Variants in SLC25A48 observed in about 807,000 individuals in gnomAD.
SLC25A48 encodes solute carrier family 25 member 48, also known as CTC-321K16.1.
In SLC25A48, 29 loss-of-function variants were observed where a neutral mutation model predicts 32.2. That is an observed-to-expected ratio of 0.90 (90% CI 0.67 to 1.23). The LOEUF is 1.23. Among genes scored for constraint, SLC25A48 ranks in the 50% most tolerant of loss-of-function variants. The pLI is 0.00. For missense variants in SLC25A48, 399 were observed against 422.7 expected, an observed-to-expected ratio of 0.94 and a Z score of 0.49; for synonymous variants, 164 against 172.3, an observed-to-expected ratio of 0.95 and a Z score of 0.38.
intron 3 of SLC25A48, among the ~76,000 whole-genome samples, chr5:135,789,344 G>T (rs1013620568): frequency 2.6e-5 from 4 of 151,764 alleles, no homozygotes; most frequent in African/African-American, 7.3e-5. Context: ...GTGGCGGGGG[G>T]TGTACAACTT....
intron 1 of SLC25A48, among the ~76,000 whole-genome samples, chr5:135,582,602 C>A (rs1472390329): frequency 1.3e-5 from 2 of 152,282 alleles, no homozygotes; most frequent in East Asian, 1.9e-4. Flanking sequence ...GCTCTGAACC[C>A]TTTACTGGCT....
chr5:135,781,131 A>T (rs1756707055), intron 3 of SLC25A48, among the ~76,000 whole-genome samples: 1 of 116,032 alleles, frequency 8.6e-6, no homozygotes, highest in Non-Finnish European at 2.1e-5. Flanking sequence ...CAGGGGGTGT[A>T]TATCCCCCTG....
At chr5:135,641,627 A>G (rs779016002) in intron 3 of SLC25A48, among the ~76,000 whole-genome samples, 3 of 152,196 alleles carry the variant, frequency 2.0e-5, no homozygotes, top group African/African-American at 4.8e-5. Flanking sequence ...GTAGGGCAGA[A>G]TTTGTCCCTT....
intron 3 of SLC25A48, among the ~76,000 whole-genome samples, chr5:135,748,902 A>G (rs1159937241): frequency 6.6e-6 from 1 of 151,808 alleles, no homozygotes; most frequent in Non-Finnish European, 1.5e-5. Flanking sequence ...TGTTTTTAGT[A>G]GAGACGGGGT....
intron 1 of SLC25A48, among the ~76,000 whole-genome samples, chr5:135,601,785 T>C (rs539895110): frequency 5.0e-4 from 76 of 152,364 alleles, no homozygotes; most frequent in African/African-American, 1.7e-3. Context: ...AACTGTATTC[T>C]TGAATTCCTG....
intron 3 of SLC25A48, among the ~76,000 whole-genome samples, chr5:135,688,051 C>T (rs76880690): frequency 0.025 from 226 of 9,106 alleles, 9 homozygotes; most frequent in East Asian, 0.15. Flanking sequence ...TCCCCAGCCC[C>T]AGCAACCGCC....
intron 3 of SLC25A48, chr5:135,742,558 G>A: frequency 7.2e-7 from 1 of 1,388,226 alleles, no homozygotes; most frequent in South Asian, 1.2e-5. Context: ...TGTGTTTTAT[G>A]GTTTTCATTT....
chr5:135,845,196 G>T (rs1053164365), intron 2 of SLC25A48, among the ~76,000 whole-genome samples: 2 of 152,210 alleles, frequency 1.3e-5, no homozygotes, highest in Admixed American at 1.3e-4. Flanking sequence ...TGCAGTGCTC[G>T]GCATTCCTTG....
intron 3 of SLC25A48, among the ~76,000 whole-genome samples, chr5:135,799,885 G>C (rs779688092): frequency 2.0e-5 from 3 of 151,644 alleles, no homozygotes; most frequent in Non-Finnish European, 4.4e-5. Context: ...GGGGAAAATA[G>C]GATGATATTA....
intron 3 of SLC25A48, among the ~76,000 whole-genome samples, chr5:135,749,678 G>A (rs1444708037): frequency 6.6e-6 from 1 of 151,988 alleles, no homozygotes; most frequent in African/African-American, 2.4e-5. Flanking sequence ...TGCAACCTCT[G>A]CCTCCCGGGT....
intron 3 of SLC25A48, among the ~76,000 whole-genome samples, chr5:135,695,189 C>T (rs1322490298): frequency 6.6e-6 from 1 of 152,188 alleles, no homozygotes; most frequent in African/African-American, 2.4e-5. Context: ...TCCAAGTCCC[C>T]TCTTCAGAGA....
intron 4 of SLC25A48, among the ~76,000 whole-genome samples, chr5:135,870,819 T>C (rs1485798140): frequency 6.6e-6 from 1 of 152,118 alleles, no homozygotes; most frequent in Non-Finnish European, 1.5e-5. Flanking sequence ...CATAAGGAAA[T>C]GGGCTGAAAA....
At chr5:135,783,409 C>A (rs1391808761) in intron 3 of SLC25A48, among the ~76,000 whole-genome samples, 2 of 117,602 alleles carry the variant, frequency 1.7e-5, no homozygotes, top group African/African-American at 5.2e-5. Context: ...TGTACACCAT[C>A]CCCCTGTGTG....
chr5:135,734,223 G>C (rs1444912507), intron 3 of SLC25A48, among the ~76,000 whole-genome samples: 1 of 152,146 alleles, frequency 6.6e-6, no homozygotes, highest in Non-Finnish European at 1.5e-5. Context: ...TTAAGGTGGG[G>C]GGATACGAGA....
intron 3 of SLC25A48, among the ~76,000 whole-genome samples, chr5:135,671,938 A>C (rs1753665561): frequency 6.7e-6 from 1 of 148,796 alleles, no homozygotes; most frequent in Non-Finnish European, 1.5e-5. Context: ...AGTATCCGGC[A>C]TTTAAGAGAA....
At chr5:135,739,818 GC>G (rs1416672533) in intron 3 of SLC25A48, among the ~76,000 whole-genome samples, 2 of 151,916 alleles carry the variant, frequency 1.3e-5, no homozygotes, top group Non-Finnish European at 2.9e-5. Context: ...AAGAAAAACA[GC>G]TGATCTAGCC....
chr5:135,759,710 C>T (rs1318448796), intron 3 of SLC25A48, among the ~76,000 whole-genome samples: 1 of 152,166 alleles, frequency 6.6e-6, no homozygotes, highest in Admixed American at 6.5e-5. Context: ...CTAGTACTCT[C>T]ACTTAGCATA....
chr5:135,617,913 C>A (rs1045793374), intron 1 of SLC25A48, among the ~76,000 whole-genome samples: 4 of 151,838 alleles, frequency 2.6e-5, no homozygotes, highest in African/African-American at 9.7e-5. Flanking sequence ...GGAGAATGTT[C>A]TTTAAATTTC....
rs190904988 is a variant in SLC25A48, at chr5:135,726,882, C to A, written c.-520-85641C>A. 1.9e-3 allele frequency among the ~76,000 whole-genome samples: 296 copies of A among 152,254 alleles called. 1 individual carries two copies. Among genetic ancestry groups the A allele is most frequent in the African/African-American group, 6.9e-3 (287 of 41,554 alleles). On this transcript the variant is annotated intron_variant, in intron 3 of 10. Coordinates refer to the SLC25A48 transcript ENST00000646290. The stretch of plus-strand genomic sequence containing the variant: ...GTTGCATATTTGGTTTTTTGAGAAA[C>A]TGTTTCCCAGAGTGGTTGTCCTATT...
Sources: allele counts gnomAD v4.1 joint callset (sites outside exome capture counted in the v4.1 genomes callset), GRCh38; gene constraint gnomAD v4.1.1; transcripts MANE v1.5; gene names NCBI Gene and HGNC (gene_info 2026-07-23, HGNC 2026-07-21).